KCNIP4: variants seen among roughly 807,000 people sequenced by gnomAD.
The protein encoded by KCNIP4 is Kv channel-interacting protein 4.
Under a neutral mutation model 34.0 loss-of-function variants are expected in KCNIP4, and 12 were observed. That is an observed-to-expected ratio of 0.35 (90% confidence interval 0.23 to 0.57). The LOEUF is 0.57. Ranked by LOEUF, KCNIP4 falls within the 20% of genes least tolerant of loss-of-function variation. The pLI is 0.83. For missense variants in KCNIP4, 238 were observed against 311.7 expected, an observed-to-expected ratio of 0.76 and a Z score of 1.78; for synonymous variants, 124 against 102.2, an observed-to-expected ratio of 1.21 and a Z score of -1.29.
At chr4:20,862,889 G>A (rs550073935) in intron 2 of KCNIP4, among the ~76,000 whole-genome samples, 48 of 152,200 alleles carry the variant, frequency 3.2e-4, no homozygotes, top group African/African-American at 9.6e-4. Context: ...AATACCGCAC[G>A]TTCTTGCTTA....
At chr4:21,504,262 G>C (rs372245996) in intron 1 of KCNIP4, among the ~76,000 whole-genome samples, 2 of 151,982 alleles carry the variant, frequency 1.3e-5, no homozygotes, top group Non-Finnish European at 2.9e-5. Context: ...GAGGTCAGGA[G>C]TTCGAGACCA....
intron 1 of KCNIP4, among the ~76,000 whole-genome samples, chr4:21,834,578 C>T (rs1392811271): frequency 6.6e-6 from 1 of 152,108 alleles, no homozygotes; most frequent in Non-Finnish European, 1.5e-5. Flanking sequence ...ATTGAATACC[C>T]TTTATTTCCT....
chr4:21,231,074 T>G (rs1758754586), intron 1 of KCNIP4, among the ~76,000 whole-genome samples: 1 of 152,146 alleles, frequency 6.6e-6, no homozygotes, highest in African/African-American at 2.4e-5. Context: ...GAAACTAATA[T>G]AGCAGCCTCA....
At chr4:21,588,763 T>C (rs1182042159) in intron 1 of KCNIP4, among the ~76,000 whole-genome samples, 1 of 151,936 alleles carries the variant, frequency 6.6e-6, no homozygotes, top group Non-Finnish European at 1.5e-5. Flanking sequence ...GTCAGATACC[T>C]AGCCAAGAAT....
chr4:21,564,033 A>T (rs749373616), intron 1 of KCNIP4, among the ~76,000 whole-genome samples: 2 of 152,128 alleles, frequency 1.3e-5, no homozygotes, highest in Non-Finnish European at 2.9e-5. Flanking sequence ...CTACTATCTC[A>T]GTGTTGTGAT....
chr4:21,677,757 T>C (rs1750020394), intron 1 of KCNIP4, among the ~76,000 whole-genome samples: 3 of 152,128 alleles, frequency 2.0e-5, no homozygotes. Flanking sequence ...GTTGGTATTC[T>C]TTTGTTTTTT....
Position 21,052,406 on chromosome 4 carries a change from C to T in KCNIP4, c.62-169697G>A, listed in dbSNP as rs185303484. 2.6e-3 allele frequency among the ~76,000 whole-genome samples: 392 copies of T among 152,274 alleles called. 1 individual carries two copies. Among genetic ancestry groups the T allele is most frequent in the African/African-American group, 9.1e-3 (380 of 41,552 alleles). ...TGTGAATTTTCCTGGAGTTAGACTA[C>T]ATGACTTTGGTTAAATCCTCAAAAG... On this transcript the variant is annotated intron_variant, in intron 1 of 8. Transcript: ENST00000382152.
rs76081717 is a variant in KCNIP4 at position 21,905,839 on chromosome 4, T to C, written c.61+42732A>G. Among the ~76,000 whole-genome samples, 184 of 152,236 alleles carry C rather than the reference T, an allele frequency of 1.2e-3. 3 individuals are homozygous for C. In the East Asian group the frequency reaches 0.031, roughly 25 times the overall value. On this transcript the variant is annotated intron_variant, in intron 1 of 8. Coordinates refer to ENST00000382152, the MANE Select transcript of KCNIP4 (RefSeq NM_025221.6). The stretch of plus-strand genomic sequence containing the variant: ...AGAAGTGTATTATAAAAACAAAACT[T>C]ACATCTATATGTAAGTTGACTGCAT...
chr4:21,249,532 T>C (rs1279995008), intron 1 of KCNIP4, among the ~76,000 whole-genome samples: 8 of 152,110 alleles, frequency 5.3e-5, no homozygotes, highest in Non-Finnish European at 1.2e-4. Flanking sequence ...TTTTCGTTGA[T>C]CTTGGTGGAA....
intron 1 of KCNIP4, among the ~76,000 whole-genome samples, chr4:21,202,988 C>A (rs1053054737): frequency 1.3e-5 from 2 of 152,180 alleles, no homozygotes; most frequent in Non-Finnish European, 2.9e-5. Flanking sequence ...ATATCTATGC[C>A]CACCCCAGGC....
chr4:20,744,261 A>G (rs1751895779), intron 5 of KCNIP4, among the ~76,000 whole-genome samples: 1 of 152,258 alleles, frequency 6.6e-6, no homozygotes, highest in African/African-American at 2.4e-5. Flanking sequence ...ATTACTGGGT[A>G]TACACCCAAA....
chr4:20,829,353 G>A (rs1375610191), intron 3 of KCNIP4, among the ~76,000 whole-genome samples: 1 of 151,950 alleles, frequency 6.6e-6, no homozygotes, highest in Non-Finnish European at 1.5e-5. Context: ...GACTATAGGC[G>A]CCTGCCACCA....
At chr4:21,094,905 G>A (rs1001136697) in intron 1 of KCNIP4, among the ~76,000 whole-genome samples, 1 of 152,134 alleles carries the variant, frequency 6.6e-6, no homozygotes, top group Non-Finnish European at 1.5e-5. Context: ...GGAAGGAAGT[G>A]CCAGATCTAA....
chr4:21,023,411 G>A (rs1740247905), intron 1 of KCNIP4, among the ~76,000 whole-genome samples: 2 of 152,082 alleles, frequency 1.3e-5, no homozygotes, highest in South Asian at 4.2e-4. Context: ...AAAAATTTTT[G>A]TAAATCATTT....
intron 1 of KCNIP4, among the ~76,000 whole-genome samples, chr4:20,926,851 T>A (rs6841096): frequency 0.34 from 51,962 of 151,974 alleles, 10,222 homozygotes; most frequent in East Asian, 0.5. Context: ...CTCAAATATT[T>A]AGTTTTTGAA....
intron 1 of KCNIP4, among the ~76,000 whole-genome samples, chr4:21,798,317 C>A (rs773592965): frequency 6.7e-6 from 1 of 149,664 alleles, no homozygotes; most frequent in South Asian, 2.1e-4. Context: ...TTTAGGAGGC[C>A]GAGGTGGGAA....
intron 1 of KCNIP4, among the ~76,000 whole-genome samples, chr4:21,128,176 G>A (rs1477294524): frequency 6.6e-6 from 1 of 152,154 alleles, no homozygotes; most frequent in East Asian, 1.9e-4. Flanking sequence ...AGAACAGCTT[G>A]AAAACACAAT....
At chr4:21,103,882 A>G (rs565211413) in intron 1 of KCNIP4, among the ~76,000 whole-genome samples, 63 of 151,482 alleles carry the variant, frequency 4.2e-4, no homozygotes, top group Non-Finnish European at 7.7e-4. Flanking sequence ...ATGACTTCCA[A>G]TTTCATCCAT....
At chr4:21,456,404 A>T (rs1253501914) in intron 1 of KCNIP4, among the ~76,000 whole-genome samples, 1 of 147,892 alleles carries the variant, frequency 6.8e-6, no homozygotes, top group Non-Finnish European at 1.5e-5. Flanking sequence ...GCTGTTACTC[A>T]TAATTAGGAA....
Sources: gnomAD v4.1 joint callset for allele counts (sites outside exome capture counted in the v4.1 genomes callset) on GRCh38, gnomAD v4.1.1 for gene constraint, MANE v1.5 for transcripts, NCBI Gene and HGNC (gene_info 2026-07-23, HGNC 2026-07-21) for gene names.